LARP4: variants seen among roughly 807,000 people sequenced by gnomAD.
LARP4 encodes the protein La ribonucleoprotein 4.
In LARP4, 29 loss-of-function variants were observed where a neutral mutation model predicts 92.9. The observed-to-expected ratio is 0.31, with a 90% CI of 0.23 to 0.43. The LOEUF (loss-of-function observed/expected upper bound fraction) is 0.43, where lower values mean the gene tolerates loss of function less well. Ranked by LOEUF, LARP4 falls within the 20% of genes least tolerant of loss-of-function variation. The pLI, the probability that LARP4 is intolerant of heterozygous loss-of-function variation, is 1.00. For missense variants in LARP4, 732 were observed against 860.0 expected, an observed-to-expected ratio of 0.85 and a Z score of 1.86; for synonymous variants, 279 against 284.1, an observed-to-expected ratio of 0.98 and a Z score of 0.18.
chr12:50,443,591 A>C (rs1951567711), intron 8 of LARP4, among the ~76,000 whole-genome samples: 1 of 151,248 alleles, frequency 6.6e-6, no homozygotes, highest in African/African-American at 2.4e-5. Context: ...TCACTGTTTA[A>C]TTTAATTTAA....
chr12:50,446,509 C>T lies in LARP4; in HGVS notation c.804+4866C>T, dbSNP rs185100914. Among the ~76,000 whole-genome samples the T allele has an allele frequency of 3.5e-5, 5 of 141,284 alleles. No individual in the cohort carries two copies. In the East Asian group the frequency reaches 1.1e-3, roughly 31 times the overall value. 92.7% of individuals were successfully genotyped at this position (141,284 alleles called of 152,430 possible). Reference sequence around the variant, plus strand: ...GTGGCATGATCTTGGCTCACCAAAACCTCTGCCTCCTGGGTTTCAAGCGAT... The same window carrying T: ...GTGGCATGATCTTGGCTCACCAAAATCTCTGCCTCCTGGGTTTCAAGCGAT... On this transcript the variant is annotated intron_variant, in intron 8 of 15. Coordinates refer to ENST00000398473, the MANE Select transcript of LARP4 (RefSeq NM_052879.5).
chr12:50,474,126 T>C lies in LARP4; in HGVS notation c.1795T>C (p.Cys599Arg), dbSNP rs1957275473. The C allele has an allele frequency of 2.5e-6, 4 of 1,613,354 alleles. No individual in the cohort carries two copies. The highest frequency in any genetic ancestry group is 2.5e-6 in the Non-Finnish European group (3 of 1,179,782). ...ATCGAGGGCAAGTACTGCTTCACCATGTAATAATAACATAAATGCAGCTAC... is the reference window on the plus strand; with the variant it reads ...ATCGAGGGCAAGTACTGCTTCACCACGTAATAATAACATAAATGCAGCTAC... ...KPSRASTASP[C>R]NNNINAATAV... The change falls in exon 15 of 16, where the codon TGT (cysteine) becomes CGT (arginine). Residue 599 changes from cysteine (C) to arginine (R), a missense_variant. By Grantham distance (180) the Cys-to-Arg change is radical (BLOSUM62 -3). Coordinates refer to ENST00000398473, the MANE Select transcript of LARP4 (RefSeq NM_052879.5).
Position 50,400,889 on chromosome 12 carries a change from G to T in LARP4, c.-122G>T. On this transcript the variant is annotated 5_prime_UTR_variant, in exon 1 of 16. Transcript: ENST00000398473. Reference sequence around the variant, plus strand: ...AGCGGCTGACGGCAGGGGAGGAGCCGGGTCCACTGCCGGGTGGAGGGGCAA... The same window carrying T: ...AGCGGCTGACGGCAGGGGAGGAGCCTGGTCCACTGCCGGGTGGAGGGGCAA... 1 of 1,340,386 alleles carries T rather than the reference G, an allele frequency of 7.5e-7. No homozygotes were observed. The allele number at this position is 1,340,386 out of a possible 1,614,324, so 83.0% of individuals were successfully genotyped here.
intron 11 of LARP4, 43 bp downstream of exon 11, chr12:50,461,390 T>A: frequency 2.6e-6 from 4 of 1,513,746 alleles, no homozygotes; most frequent in Non-Finnish European, 3.6e-6. Flanking sequence ...AATAATGTGA[T>A]CATCCTGAAT....
intron 15 of LARP4, 79 bp downstream of exon 15, chr12:50,474,246 T>A: frequency 8.9e-7 from 1 of 1,126,224 alleles, no homozygotes; most frequent in Non-Finnish European, 1.3e-6. Context: ...AACACTTTGT[T>A]AGAACAGAGT....
intron 1 of LARP4, among the ~76,000 whole-genome samples, chr12:50,419,880 G>C (rs1947450499): frequency 6.6e-6 from 1 of 152,060 alleles, no homozygotes; most frequent in East Asian, 1.9e-4. Flanking sequence ...GCTCCACCCT[G>C]GGCAACAAGA....
intron 1 of LARP4, among the ~76,000 whole-genome samples, chr12:50,403,981 TG>T (rs1944342488): frequency 2.0e-5 from 3 of 152,154 alleles, no homozygotes; most frequent in Non-Finnish European, 4.4e-5. Context: ...CCCAGCACTT[TG>T]GGAGGCTGAG....
At chr12:50,441,880 C>G (rs1328955278) in intron 8 of LARP4, among the ~76,000 whole-genome samples, 1 of 152,190 alleles carries the variant, frequency 6.6e-6, no homozygotes, top group Non-Finnish European at 1.5e-5. Context: ...GAAACCCCAT[C>G]TCTACTAAAA....
chr12:50,438,794 T>G (rs1001723238), intron 6 of LARP4, among the ~76,000 whole-genome samples: 9 of 152,198 alleles, frequency 5.9e-5, no homozygotes, highest in Non-Finnish European at 1.3e-4. Flanking sequence ...GAACATGATC[T>G]CTCTGATTCT....
intron 8 of LARP4, among the ~76,000 whole-genome samples, chr12:50,446,144 A>G (rs1321941551): frequency 6.7e-6 from 1 of 149,240 alleles, no homozygotes; most frequent in Non-Finnish European, 1.5e-5. Context: ...CTGGGACTAC[A>G]GGCGCCTGCC....
chr12:50,428,216 TG>T (rs1949108016), intron 2 of LARP4, among the ~76,000 whole-genome samples: 1 of 151,932 alleles, frequency 6.6e-6, no homozygotes, highest in South Asian at 2.1e-4. Context: ...TTAGTAGAGA[TG>T]GGGTTTCACC....
chr12:50,446,881 G>A (rs1952295016), intron 8 of LARP4, among the ~76,000 whole-genome samples: 1 of 152,098 alleles, frequency 6.6e-6, no homozygotes, highest in African/African-American at 2.4e-5. Flanking sequence ...GTTTGTCAAG[G>A]TTGGCCATAA....
At chr12:50,474,244 GT>G in intron 15 of LARP4, 77 bp downstream of exon 15, 1 of 1,145,528 alleles carries the variant, frequency 8.7e-7, no homozygotes, top group Non-Finnish European at 1.2e-6. Context: ...GTAACACTTT[GT>G]TAGAACAGAG....
chr12:50,469,047 G>A (rs1362427421), intron 13 of LARP4, among the ~76,000 whole-genome samples: 1 of 151,572 alleles, frequency 6.6e-6, no homozygotes, highest in Non-Finnish European at 1.5e-5. Flanking sequence ...CCATGTTAGG[G>A]TGGTTCATAT....
chr12:50,437,889 G>T (rs1429965653), intron 6 of LARP4, 51 bp downstream of exon 6: 2 of 1,255,284 alleles, frequency 1.6e-6, no homozygotes, highest in Non-Finnish European at 2.3e-6. Flanking sequence ...TAAATTAAAA[G>T]AGGTTTCTTC....
chr12:50,436,155 G>GGT (rs1233189885), intron 5 of LARP4, among the ~76,000 whole-genome samples: 175 of 107,224 alleles, frequency 1.6e-3, no homozygotes, highest in African/African-American at 4.6e-3. Context: ...ATCCCGCTGG[G>GGT]GTGTGTGTGT....
rs1276063206 is a variant in LARP4, at chr12:50,423,062, C to T, written c.19-4700C>T. Among the ~76,000 whole-genome samples the T allele has an allele frequency of 9.9e-5, 15 of 152,050 alleles. No individual in the cohort carries two copies. The East Asian group carries it at 2.9e-3, about 29-fold the overall frequency. On this transcript the variant is annotated intron_variant, in intron 1 of 15. Transcript: ENST00000398473. ...CTTGAACTCCTGACCTCAGGTGATC[C>T]ACCCGCCTCAGCCTCCCACAGTGTT...
intron 8 of LARP4, among the ~76,000 whole-genome samples, chr12:50,448,945 G>A (rs983728157): frequency 2.6e-5 from 4 of 151,882 alleles, no homozygotes; most frequent in Non-Finnish European, 5.9e-5. Flanking sequence ...CTTCTTTCTC[G>A]TTTTTTCCTC....
intron 1 of LARP4, among the ~76,000 whole-genome samples, chr12:50,403,138 A>G (rs1296291862): frequency 6.6e-6 from 1 of 152,226 alleles, no homozygotes; most frequent in Non-Finnish European, 1.5e-5. Flanking sequence ...CTAAAGTCTG[A>G]AGTCTGACTT....
Sources: gnomAD v4.1 joint callset for allele counts (sites outside exome capture counted in the v4.1 genomes callset) on GRCh38, gnomAD v4.1.1 for gene constraint, MANE v1.5 for transcripts, NCBI Gene and HGNC (gene_info 2026-07-23, HGNC 2026-07-21) for gene names.